The following PCDHA9 variants were observed in gnomAD, a reference collection of about 807,000 sequenced individuals.
PCDHA9 encodes the protein protocadherin alpha 9.
In PCDHA9, 62 loss-of-function variants were observed where a neutral mutation model predicts 62.0. The ratio of observed to expected loss-of-function variants is 1.00; its 90% CI spans 0.81 to 1.23. The LOEUF (loss-of-function observed/expected upper bound fraction) is 1.23, where lower values mean the gene tolerates loss of function less well. Among genes scored for constraint, PCDHA9 ranks in the 50% most tolerant of loss-of-function variants. The pLI is 0.00. For synonymous variants in PCDHA9, 557 were observed against 567.6 expected, an observed-to-expected ratio of 0.98 and a Z score of 0.27; for missense variants, 1,205 against 1,249.8, an observed-to-expected ratio of 0.96 and a Z score of 0.54.
At chr5:140,864,740 C>G (rs2048582672) in intron 1 of PCDHA9, 1 of 152,028 alleles carries the variant, frequency 6.6e-6, no homozygotes, top group African/African-American at 2.4e-5. Context: ...TCTTTGAGCA[C>G]CGATTATACT....
chr5:140,928,501 G>A, intron 1 of PCDHA9: 1 of 1,614,184 alleles, frequency 6.2e-7, no homozygotes. Flanking sequence ...TCCCAGAAGT[G>A]CAACAGTGAC....
At chr5:140,857,346 C>T (rs782309251) in intron 1 of PCDHA9, 1 of 1,598,444 alleles carries the variant, frequency 6.3e-7, no homozygotes, top group South Asian at 1.1e-5. Flanking sequence ...GGCTCGCCTC[C>T]GCTGTGGGCC....
intron 1 of PCDHA9, chr5:140,871,457 GGGAAAGACA>G (rs782304525): frequency 6.2e-7 from 1 of 1,605,688 alleles, no homozygotes; most frequent in Non-Finnish European, 8.5e-7. Flanking sequence ...GAGGAGGAAG[GGGAAAGACA>G]GGAGCCAGGG....
At chr5:140,876,740 T>G (rs782650836) in intron 1 of PCDHA9, 2 of 1,614,236 alleles carry the variant, frequency 1.2e-6, no homozygotes, top group East Asian at 4.5e-5. Context: ...GCCTATGAGC[T>G]GGTGGTGACT....
At chr5:140,854,384 C>T (rs1268523616) in intron 1 of PCDHA9, 1 of 155,336 alleles carries the variant, frequency 6.4e-6, no homozygotes, top group Non-Finnish European at 1.4e-5. Flanking sequence ...TAACTCATTA[C>T]ATTTTAATTC....
At chr5:140,967,618 G>T in intron 1 of PCDHA9, 3 of 1,614,174 alleles carry the variant, frequency 1.9e-6, no homozygotes, top group Non-Finnish European at 2.5e-6. Context: ...CCTCAGACCC[G>T]GATGAGGGCT....
chr5:140,921,213 G>T (rs759293646), intron 1 of PCDHA9, among the ~76,000 whole-genome samples: 1 of 151,496 alleles, frequency 6.6e-6, no homozygotes, highest in Admixed American at 6.6e-5. Flanking sequence ...GATAATTCAC[G>T]TCTTTTTTGC....
At chr5:140,868,988 C>T in intron 1 of PCDHA9, 1 of 1,506,234 alleles carries the variant, frequency 6.6e-7, no homozygotes, top group Non-Finnish European at 8.9e-7. Context: ...CCGGATGCCA[C>T]CGTTTAAGGA....
At position 140,947,028 on chromosome 5, in the gene PCDHA9, T is replaced by C. The variant is rs111523441; in HGVS notation, c.2395-31921T>C. Among the ~76,000 whole-genome samples the C allele has an allele frequency of 4.6e-3, 693 of 151,852 alleles. 1 individual carries two copies. Among genetic ancestry groups the C allele is most frequent in the Middle Eastern group, 6.8e-3 (2 of 294 alleles). ...AATGATAAATGTTTGAGGTAATGGA[T>C]ATACTAATTACCCTGATTTGATCAT... On this transcript the variant is annotated intron_variant, in intron 1 of 3. Transcript: ENST00000532602.
At chr5:141,000,347 C>T (rs1587871994) in intron 3 of PCDHA9, among the ~76,000 whole-genome samples, 1 of 114,796 alleles carries the variant, frequency 8.7e-6, no homozygotes, top group Non-Finnish European at 1.8e-5. Flanking sequence ...CTATCTCTCT[C>T]TCTGTCTCTC....
chr5:140,891,122 G>T (rs572236105), intron 1 of PCDHA9, among the ~76,000 whole-genome samples: 1 of 152,256 alleles, frequency 6.6e-6, no homozygotes, highest in East Asian at 1.9e-4. Context: ...CAATCTAAAT[G>T]TCATTCCTTT....
At chr5:140,858,061 C>A (rs1554151115) in intron 1 of PCDHA9, 1 of 1,597,498 alleles carries the variant, frequency 6.3e-7, no homozygotes, top group South Asian at 1.1e-5. Context: ...TTGTGGAGGG[C>A]AGCCAGGCAC....
intron 3 of PCDHA9, among the ~76,000 whole-genome samples, chr5:140,985,651 T>A (rs1413086230): frequency 6.6e-6 from 1 of 151,992 alleles, no homozygotes; most frequent in Non-Finnish European, 1.5e-5. Context: ...ACACTTGCAA[T>A]GGCTGAATAA....
rs908218007 is a variant in PCDHA9 at position 140,929,518 on chromosome 5, T to C, written c.2395-49431T>C. On this transcript the variant is annotated intron_variant, in intron 1 of 3. Transcript: ENST00000532602. ...ATTGCCCTAGGCCTCAAGGGACTTA[T>C]AGTTTATTTTTGAGAAACAAGGGCA... 7 of 753,028 alleles carry C rather than the reference T, an allele frequency of 9.3e-6. No homozygotes were observed. The Admixed American group carries it at 1.2e-4, about 13-fold the overall frequency. The allele number at this position is 753,028 out of a possible 1,614,324, so 46.6% of individuals were successfully genotyped here. A position where few individuals can be genotyped will look rare whatever the true frequency, so the allele number is the denominator to read the frequency against.
intron 3 of PCDHA9, among the ~76,000 whole-genome samples, chr5:141,000,416 TA>T (rs1479552208): frequency 1.6e-3 from 150 of 93,344 alleles, no homozygotes; most frequent in Non-Finnish European, 2.1e-3. Flanking sequence ...TATATATATA[TA>T]TATATTTTTT....
intron 1 of PCDHA9, among the ~76,000 whole-genome samples, chr5:140,941,460 C>T (rs530075226): frequency 4.6e-4 from 69 of 151,184 alleles, no homozygotes; most frequent in African/African-American, 1.6e-3. Context: ...GGATTACAGG[C>T]GCCCACCACC....
At chr5:140,940,017 T>C (rs1418030283) in intron 1 of PCDHA9, among the ~76,000 whole-genome samples, 1 of 152,234 alleles carries the variant, frequency 6.6e-6, no homozygotes, top group Non-Finnish European at 1.5e-5. Flanking sequence ...TTTTGTGTCA[T>C]ATGTTTTAAG....
intron 1 of PCDHA9, among the ~76,000 whole-genome samples, chr5:140,952,338 CAAAAA>C (rs55931446): frequency 7.4e-5 from 10 of 135,008 alleles, no homozygotes; most frequent in Admixed American, 1.5e-4. Context: ...AACTCCATCT[CAAAAA>C]AAAAAAAAAA....
intron 1 of PCDHA9, among the ~76,000 whole-genome samples, chr5:140,924,635 C>G (rs2081927697): frequency 6.6e-6 from 1 of 152,108 alleles, no homozygotes; most frequent in Non-Finnish European, 1.5e-5. Context: ...GGGCTCACAC[C>G]TGTAATCCCA....
Sources: allele counts gnomAD v4.1 joint callset (sites outside exome capture counted in the v4.1 genomes callset), GRCh38; gene constraint gnomAD v4.1.1; transcripts MANE v1.5; gene names NCBI Gene and HGNC (gene_info 2026-07-23, HGNC 2026-07-21).